MROH9: variants seen among roughly 807,000 people sequenced by gnomAD.
The protein encoded by MROH9 is maestro heat-like repeat-containing protein family member 9.
In MROH9, 92 loss-of-function variants were observed where a neutral mutation model predicts 98.2. The ratio of observed to expected loss-of-function variants is 0.94; its 90% confidence interval spans 0.79 to 1.11. MROH9 has a LOEUF of 1.11. MROH9 is among the 50% of genes most tolerant of loss of function. MROH9 has a pLI of 0.00. For missense variants in MROH9, 1,057 were observed against 1,014.8 expected (o/e 1.04, Z -0.57); for synonymous variants, 397 against 368.9 (o/e 1.08, Z -0.87).
Position 171,064,389 on chromosome 1 carries a change from C to T in MROH9, c.*49C>T. 1 of 1,476,686 alleles carries T rather than the reference C, an allele frequency of 6.8e-7. No homozygotes were observed. Among genetic ancestry groups the T allele is most frequent in the African/African-American group, 1.4e-5 (1 of 69,974 alleles). The allele number at this position is 1,476,686 out of a possible 1,614,324, so 91.5% of individuals were successfully genotyped here. On this transcript the variant is annotated 3_prime_UTR_variant, in exon 22 of 22. Coordinates refer to ENST00000367759, the MANE Select transcript of MROH9 (RefSeq NM_001163629.2). ...CATTCATAAACAATGGGAAGTCCAA[C>T]AATGTCTTGGAGCTGACCTTAGAAG... is the stretch of plus-strand genomic sequence containing the variant.
intron 13 of MROH9, among the ~76,000 whole-genome samples, chr1:170,995,867 C>T (rs1189068387): frequency 6.6e-6 from 1 of 152,106 alleles, no homozygotes; most frequent in Admixed American, 6.5e-5. Context: ...CATTTTTGCT[C>T]TGCCATTTAC....
At chr1:171,036,749 C>A (rs927410249) in intron 20 of MROH9, among the ~76,000 whole-genome samples, 1 of 150,314 alleles carries the variant, frequency 6.7e-6, no homozygotes, top group African/African-American at 2.4e-5. Flanking sequence ...AATAAATAAA[C>A]GCTATCTTTA....
At position 170,942,623 on chromosome 1, in the gene MROH9, GTATGGAAA is replaced by G. The variant is rs552403893; in HGVS notation, c.-37-2892_-37-2885del. ...CCAGTTATGGAGTAACAGCTGAATT[GTATGGAAA>G]TATGACATGCCTGGAATAGGACTTT... On this transcript the variant is annotated intron_variant, in intron 1 of 21. Coordinates refer to ENST00000367759, the MANE Select transcript of MROH9 (RefSeq NM_001163629.2). Among the ~76,000 whole-genome samples the G allele has an allele frequency of 2.4e-4, 36 of 152,208 alleles. No individual in the cohort carries two copies. The South Asian group carries it at 4.4e-3, about 18-fold the overall frequency.
At chr1:171,017,701 T>A (rs1422319841) in intron 17 of MROH9, among the ~76,000 whole-genome samples, 3 of 152,052 alleles carry the variant, frequency 2.0e-5, no homozygotes, top group Admixed American at 6.5e-5. Context: ...AGGCTATGCT[T>A]TTTCCCTGCT....
At chr1:170,973,513 C>A (rs895872395) in intron 8 of MROH9, among the ~76,000 whole-genome samples, 46 of 151,908 alleles carry the variant, frequency 3.0e-4, no homozygotes, top group South Asian at 4.2e-4. Context: ...GAAGAATACC[C>A]CTAGAAATAA....
intron 1 of MROH9, among the ~76,000 whole-genome samples, chr1:170,939,537 G>C (rs918549793): frequency 1.3e-5 from 2 of 152,222 alleles, no homozygotes; most frequent in Non-Finnish European, 2.9e-5. Context: ...TGAAGCCATA[G>C]TTGCAGGCTA....
In MROH9 at chr1:170,965,218, A is replaced by T. The variant is rs1209966778; in HGVS notation, c.443A>T (p.Lys148Met). 6.2e-7 allele frequency: 1 copy of T among 1,611,844 alleles called. No individual in the cohort carries two copies. ...GAGAGAATAATGGTGATCATCAACA[A>T]GGTGTTAAGATTTACAGTCACAAAA... Reference protein sequence around the residue: ...LQERIMVIINKVLRFTVTKVR... With the variant: ...LQERIMVIINMVLRFTVTKVR... Residue 148 changes from lysine (K) to methionine (M), a missense_variant, in exon 7 of 22, where the codon AAG becomes ATG. Lys to Met is a moderately conservative substitution (Grantham distance 95). Transcript: ENST00000367759.
At chr1:171,008,590 T>C (rs1652039659) in intron 15 of MROH9, among the ~76,000 whole-genome samples, 1 of 152,238 alleles carries the variant, frequency 6.6e-6, no homozygotes, top group African/African-American at 2.4e-5. Context: ...ACACAGATTT[T>C]AATACTATGT....
chr1:171,055,627 A>G (rs867246804), intron 20 of MROH9, among the ~76,000 whole-genome samples: 3,562 of 151,108 alleles, frequency 0.024, 142 homozygotes, highest in African/African-American at 0.082. Context: ...ATAAAAAAAA[A>G]AAAAAAAAAA....
At chr1:171,022,232 C>A (rs1267375404) in intron 17 of MROH9, among the ~76,000 whole-genome samples, 1 of 152,210 alleles carries the variant, frequency 6.6e-6, no homozygotes, top group Non-Finnish European at 1.5e-5. Context: ...TCTGACCCAG[C>A]AATCCCATTA....
intron 20 of MROH9, among the ~76,000 whole-genome samples, chr1:171,046,285 C>T (rs1653471529): frequency 6.6e-6 from 1 of 152,078 alleles, no homozygotes; most frequent in Non-Finnish European, 1.5e-5. Context: ...GAATTTAATC[C>T]ATTTACATTC....
chr1:171,005,708 C>T (rs933867547), intron 15 of MROH9, among the ~76,000 whole-genome samples: 2 of 152,124 alleles, frequency 1.3e-5, no homozygotes, highest in African/African-American at 2.4e-5. Context: ...AAGATCATGG[C>T]ATCTGCAAAG....
rs1218913752 is a variant in MROH9, at chr1:171,016,241, T to C, written c.1813T>C (p.Leu605=). The C allele has an allele frequency of 5.2e-6, 8 of 1,541,288 alleles. No individual in the cohort carries two copies. In the Admixed American group the frequency reaches 1.6e-4, roughly 31 times the overall value. Reference sequence around the variant, plus strand: ...AGACGATAATGTTGTACTTCAGGCCTTGCTCACCCTTAGAAGGCTTTTAAA... The same window carrying C: ...AGACGATAATGTTGTACTTCAGGCCCTGCTCACCCTTAGAAGGCTTTTAAA... ...SKDDNVVLQA[L]LTLRRLLNEL... is the part of the protein sequence containing the mutation. Residue 605 remains leucine (L), a synonymous_variant, in exon 17 of 22, where the codon TTG becomes CTG. Transcript: ENST00000367759.
intron 21 of MROH9, among the ~76,000 whole-genome samples, chr1:171,062,926 T>TA (rs1654055615): frequency 6.6e-6 from 1 of 150,948 alleles, no homozygotes; most frequent in South Asian, 2.1e-4. Context: ...CCCACCAGAG[T>TA]AGTACATTTA....
intron 20 of MROH9, among the ~76,000 whole-genome samples, chr1:171,026,466 G>T (rs773870653): frequency 7.3e-5 from 11 of 151,364 alleles, no homozygotes; most frequent in Non-Finnish European, 1.3e-4. Context: ...TAGAGATGGA[G>T]TTTCACTATG....
chr1:171,028,730 A>G (rs975175305), intron 20 of MROH9, among the ~76,000 whole-genome samples: 3 of 152,148 alleles, frequency 2.0e-5, no homozygotes, highest in African/African-American at 4.8e-5. Flanking sequence ...TTCTCCTTAA[A>G]GAGGTCCTTC....
chr1:171,019,914 TA>T lies in MROH9; in HGVS notation c.1908+3584del, dbSNP rs1346101474. On this transcript the variant is annotated intron_variant, in intron 17 of 21. Coordinates refer to ENST00000367759, the MANE Select transcript of MROH9 (RefSeq NM_001163629.2). ...AAAAGAATGAATTAAATAGACACAA[TA>T]AAAAATGATAAGGGGGAAATCACCA... is the stretch of plus-strand genomic sequence containing the variant. Among the ~76,000 whole-genome samples, 3 of 151,682 alleles carry T rather than the reference TA, an allele frequency of 2.0e-5. No individual in the cohort carries two copies. The East Asian group carries it at 5.8e-4, about 29-fold the overall frequency.
At chr1:170,988,681 TGA>T (rs1157019390) in intron 10 of MROH9, among the ~76,000 whole-genome samples, 4 of 152,202 alleles carry the variant, frequency 2.6e-5, no homozygotes, top group South Asian at 4.1e-4. Flanking sequence ...GGTTCTAAAA[TGA>T]GTTATAAGGC....
At chr1:170,963,985 C>G (rs76904923) in intron 6 of MROH9, among the ~76,000 whole-genome samples, 12 of 152,010 alleles carry the variant, frequency 7.9e-5, no homozygotes, top group South Asian at 2.1e-4. Context: ...AACCCTTCAC[C>G]GTGATTATGA....
Sources: allele counts gnomAD v4.1 joint callset (sites outside exome capture counted in the v4.1 genomes callset), GRCh38; gene constraint gnomAD v4.1.1; transcripts MANE v1.5; gene names NCBI Gene and HGNC (gene_info 2026-07-23, HGNC 2026-07-21).